Variants in ZPLD1 observed in about 807,000 individuals in gnomAD.
ZPLD1 encodes the protein zona pellucida-like domain-containing protein 1.
In ZPLD1, 34 loss-of-function variants were observed where a neutral mutation model predicts 47.2. The ratio of observed to expected loss-of-function variants is 0.72; its 90% CI spans 0.55 to 0.96. The LOEUF is 0.96. Ranked by LOEUF, ZPLD1 falls within the 40% of genes least tolerant of loss-of-function variation. The probability of loss-of-function intolerance (pLI) is 0.00; values close to 1 mark genes in which losing one functional copy is unlikely to be tolerated. For synonymous variants in ZPLD1, 176 were observed against 186.2 expected (o/e 0.95, Z 0.45); for missense variants, 512 against 505.8 (o/e 1.01, Z -0.12).
intron 7 of ZPLD1, among the ~76,000 whole-genome samples, chr3:102,400,260 T>TCTTG (rs1166770590): frequency 2.0e-5 from 3 of 152,120 alleles, no homozygotes; most frequent in Non-Finnish European, 4.4e-5. Flanking sequence ...GGAGTAAATG[T>TCTTG]CTTGAATGAT....
At chr3:102,441,945 T>C (rs1707185029) in intron 3 of ZPLD1, among the ~76,000 whole-genome samples, 1 of 152,086 alleles carries the variant, frequency 6.6e-6, no homozygotes, top group South Asian at 2.1e-4. Context: ...AAGGCTCACA[T>C]CAAAATTAGG....
intron 3 of ZPLD1, among the ~76,000 whole-genome samples, chr3:102,439,796 T>G (rs1263173112): frequency 1.3e-5 from 2 of 152,236 alleles, no homozygotes; most frequent in South Asian, 4.1e-4. Flanking sequence ...ATCCTTTACG[T>G]ATACGTCTAA....
chr3:102,446,448 C>A, intron 3 of ZPLD1, among the ~76,000 whole-genome samples: 1 of 152,170 alleles, frequency 6.6e-6, no homozygotes, highest in African/African-American at 2.4e-5. Flanking sequence ...TGGTGATTCT[C>A]AAATTTGTAT....
At chr3:102,440,070 G>A (rs1182022864) in intron 3 of ZPLD1, among the ~76,000 whole-genome samples, 2 of 152,174 alleles carry the variant, frequency 1.3e-5, no homozygotes, top group Non-Finnish European at 2.9e-5. Flanking sequence ...GTAAACCAAT[G>A]AGAGCTAGAA....
exon 7 of ZPLD1, chr3:102,392,184 C>A (rs538787525): frequency 6.6e-6 from 1 of 152,248 alleles, no homozygotes; most frequent in Admixed American, 6.5e-5. Context: ...TTAGTATAAA[C>A]CGATGCAACT....
At chr3:102,426,886 G>T (rs1706954958) in intron 8 of ZPLD1, among the ~76,000 whole-genome samples, 1 of 152,130 alleles carries the variant, frequency 6.6e-6, no homozygotes, top group South Asian at 2.1e-4. Context: ...TATTTCAGGA[G>T]ATGTTTTTAG....
At chr3:102,467,488 A>G (rs1707613777) in intron 8 of ZPLD1, among the ~76,000 whole-genome samples, 1 of 152,148 alleles carries the variant, frequency 6.6e-6, no homozygotes, top group African/African-American at 2.4e-5. Flanking sequence ...CACATAGACA[A>G]AAGTCACAGA....
At chr3:102,403,350 C>G (rs1488876723) in intron 7 of ZPLD1, among the ~76,000 whole-genome samples, 1 of 151,892 alleles carries the variant, frequency 6.6e-6, no homozygotes, top group Non-Finnish European at 1.5e-5. Flanking sequence ...TTCCAAGTTA[C>G]TAGGAAAAAA....
At chr3:102,474,705 G>T (rs1286252131) in intron 10 of ZPLD1, among the ~76,000 whole-genome samples, 1 of 152,140 alleles carries the variant, frequency 6.6e-6, no homozygotes, top group African/African-American at 2.4e-5. Context: ...AGAAAGCAGA[G>T]AATGACAATT....
chr3:102,397,119 C>G (rs1475472032), intron 7 of ZPLD1, among the ~76,000 whole-genome samples: 7 of 152,110 alleles, frequency 4.6e-5, no homozygotes, highest in Non-Finnish European at 8.8e-5. Flanking sequence ...AATTCCACCA[C>G]TCCTCACAGA....
chr3:102,388,008 C>T (rs1351352179), intron 6 of ZPLD1, among the ~76,000 whole-genome samples: 2 of 151,840 alleles, frequency 1.3e-5, no homozygotes, highest in Non-Finnish European at 2.9e-5. Flanking sequence ...CTACAGGCGC[C>T]CGCCACCACG....
intron 3 of ZPLD1, among the ~76,000 whole-genome samples, chr3:102,441,120 C>T (rs1443296032): frequency 6.6e-6 from 1 of 152,014 alleles, no homozygotes; most frequent in Non-Finnish European, 1.5e-5. Context: ...CAAGCCATGA[C>T]CCTGTTATGG....
In ZPLD1 at chr3:102,435,143, G is replaced by A. The variant is rs1255760739; in HGVS notation, c.-134G>A. ...ATGCTCAGGTTTTCCATGTGCAGGG[G>A]AAATGATGAAGGTAAGGTTGAGGAT... On this transcript the variant is annotated 5_prime_UTR_variant, in exon 1 of 12. Transcript: ENST00000466937. 2.5e-6 allele frequency: 4 copies of A among 1,614,040 alleles called. No individual in the cohort carries two copies. In the South Asian group the frequency reaches 3.3e-5, roughly 13 times the overall value.
chr3:102,454,571 C>T (rs1234785253), intron 4 of ZPLD1, among the ~76,000 whole-genome samples: 1 of 152,156 alleles, frequency 6.6e-6, no homozygotes, highest in African/African-American at 2.4e-5. Context: ...ATAAAAATTG[C>T]TAGGCTGGGC....
intron 1 of ZPLD1, among the ~76,000 whole-genome samples, chr3:102,436,164 T>G (rs1315014483): frequency 1.3e-5 from 2 of 152,210 alleles, no homozygotes; most frequent in Non-Finnish European, 2.9e-5. Flanking sequence ...TGGGACAACC[T>G]GAGATGTGAT....
chr3:102,460,761 C>T (rs971801254), intron 6 of ZPLD1, among the ~76,000 whole-genome samples: 7 of 151,776 alleles, frequency 4.6e-5, no homozygotes, highest in African/African-American at 1.7e-4. Flanking sequence ...ATAATTAAAT[C>T]ACAGGTGGAT....
At chr3:102,395,461 T>A (rs942283690) in intron 7 of ZPLD1, among the ~76,000 whole-genome samples, 73 of 151,996 alleles carry the variant, frequency 4.8e-4, no homozygotes, top group African/African-American at 1.7e-3. Context: ...CTGGCTTTGA[T>A]GATGGAAAGG....
At chr3:102,434,508 T>C (rs1370240436), upstream of ZPLD1, among the ~76,000 whole-genome samples, 4 of 152,138 alleles carry the variant, frequency 2.6e-5, no homozygotes, top group Non-Finnish European at 5.9e-5. Flanking sequence ...CAGATGTCTC[T>C]TTTTTTACAC....
intron 7 of ZPLD1, among the ~76,000 whole-genome samples, chr3:102,394,524 CCTTT>C (rs1235765538): frequency 2.0e-5 from 3 of 150,426 alleles, no homozygotes; most frequent in South Asian, 2.1e-4. Flanking sequence ...TTGTTTCCTT[CCTTT>C]ATTTAAAAAA....
Sources: gnomAD v4.1 joint callset for allele counts (sites outside exome capture counted in the v4.1 genomes callset) on GRCh38, gnomAD v4.1.1 for gene constraint, MANE v1.5 for transcripts, NCBI Gene and HGNC (gene_info 2026-07-23, HGNC 2026-07-21) for gene names.